GGNBP2: variants seen among roughly 807,000 people sequenced by gnomAD.
GGNBP2 encodes gametogenetin-binding protein 2.
GGNBP2 carries 10 observed loss-of-function variants against 85.9 expected under a neutral mutation model. The ratio of observed to expected loss-of-function variants is 0.12; its 90% CI spans 0.07 to 0.20. The LOEUF is 0.20. GGNBP2 is among the 10% of genes least tolerant of loss of function. The pLI, the probability that GGNBP2 is intolerant of heterozygous loss-of-function variation, is 1.00. For synonymous variants in GGNBP2, 287 were observed against 285.7 expected (o/e 1.00, Z -0.05); for missense variants, 595 against 857.8 (o/e 0.69, Z 3.83).
chr17:36,587,174 T>C lies in GGNBP2; in HGVS notation c.1819T>C (p.Phe607Leu). 1 of 1,614,094 alleles carries C rather than the reference T, an allele frequency of 6.2e-7. No homozygotes were observed. The highest frequency in any genetic ancestry group is 8.5e-7 in the Non-Finnish European group (1 of 1,180,010). ...WFEHRKNVPQ[F>L]AEPTETLFGP... is the part of the protein sequence containing the mutation. ...TGAGCATAGGAAAAATGTACCACAG[T>C]TTGCAGAACCTACAGAAACGTTGTT... Residue 607 changes from phenylalanine to leucine, a missense_variant, in exon 13 of 14, where the codon TTT (phenylalanine) becomes CTT (leucine). Transcript: ENST00000613102.
intron 6 of GGNBP2, among the ~76,000 whole-genome samples, chr17:36,575,873 C>T (rs1013853180): frequency 6.7e-6 from 1 of 150,324 alleles, no homozygotes; most frequent in Non-Finnish European, 1.5e-5. Context: ...TCTCGAACTC[C>T]TGAGCTCAGA....
Position 36,575,613 on chromosome 17 carries a change from C to CATATATAT in GGNBP2, c.642-2341_642-2334dup, listed in dbSNP as rs776677029. Among the ~76,000 whole-genome samples the CATATATAT allele has an allele frequency of 9.3e-3, 619 of 66,688 alleles. 26 individuals are homozygous for CATATATAT. The highest frequency in any genetic ancestry group is 0.016 in the African/African-American group (186 of 11,322). 43.7% of individuals were successfully genotyped at this position (66,688 alleles called of 152,430 possible). ...AGTGGGCTTAGAGCCTCTAATGTAACATATATATATATATATATATATATA... is the reference window on the plus strand; with the variant it reads ...AGTGGGCTTAGAGCCTCTAATGTAACATATATATATATATATATATATATATATATATA... On this transcript the variant is annotated intron_variant, in intron 6 of 13. Transcript: ENST00000613102.
chr17:36,560,439 T>C (rs569572315), intron 4 of GGNBP2, among the ~76,000 whole-genome samples: 1 of 152,328 alleles, frequency 6.6e-6, no homozygotes, highest in South Asian at 2.1e-4. Flanking sequence ...TTTAAAGACA[T>C]GGGATCTCAC....
At chr17:36,547,565 A>G (rs1415151051) in intron 2 of GGNBP2, 5 of 152,252 alleles carry the variant, frequency 3.3e-5, no homozygotes, top group African/African-American at 1.2e-4. Context: ...CAACTTTTTA[A>G]GTGCTTTTAT....
intron 4 of GGNBP2, among the ~76,000 whole-genome samples, chr17:36,558,305 C>G (rs1390942553): frequency 2.2e-5 from 3 of 139,288 alleles, no homozygotes; most frequent in African/African-American, 8.1e-5. Context: ...ATCCCAGCTA[C>G]TCGAGAGGCT....
chr17:36,580,215 T>TTC (rs1286574064), intron 8 of GGNBP2, among the ~76,000 whole-genome samples: 2 of 150,468 alleles, frequency 1.3e-5, no homozygotes, highest in Non-Finnish European at 3.0e-5. Context: ...TTCTTTTCTT[T>TTC]TTTTTTTTTT....
At chr17:36,558,434 A>C (rs1357922484) in intron 4 of GGNBP2, among the ~76,000 whole-genome samples, 2 of 149,774 alleles carry the variant, frequency 1.3e-5, no homozygotes, top group Admixed American at 1.3e-4. Context: ...AAAAAAAAAA[A>C]AAAAGGTAAT....
intron 6 of GGNBP2, chr17:36,574,458 C>T (rs1027272539): frequency 8.6e-6 from 2 of 232,528 alleles, no homozygotes; most frequent in African/African-American, 4.6e-5. Context: ...GTATAAAAAC[C>T]CTGTGTTGTA....
chr17:36,571,580 G>A (rs887237232), intron 6 of GGNBP2, among the ~76,000 whole-genome samples: 2 of 151,634 alleles, frequency 1.3e-5, no homozygotes, highest in Non-Finnish European at 1.5e-5. Flanking sequence ...CATGGCTCAC[G>A]CCTGTAATCC....
rs535686057 is a variant in GGNBP2, at chr17:36,581,460, T to C, written c.1137T>C (p.Asn379=). The part of the protein sequence containing the change: ...KQEKKRQKRK[N]RRKNKCVCDI... ...AAAAGAAACGCCAAAAACGGAAGAA[T>C]AGACGAAAAAATAAGTGTGTGTGTG... The change falls in exon 9 of 14, where the codon AAT becomes AAC. Residue 379 remains asparagine, a synonymous_variant. Coordinates refer to ENST00000613102, the MANE Select transcript of GGNBP2 (RefSeq NM_024835.5). 4.2e-5 allele frequency: 68 copies of C among 1,613,680 alleles called. No individual in the cohort carries two copies. In the African/African-American group the frequency reaches 5.7e-4, roughly 14 times the overall value.
intron 6 of GGNBP2, among the ~76,000 whole-genome samples, chr17:36,568,362 C>T (rs541200950): frequency 6.6e-6 from 1 of 151,802 alleles, no homozygotes; most frequent in African/African-American, 2.4e-5. Context: ...AGTAGCGAGA[C>T]CTCGGATCAC....
intron 5 of GGNBP2, among the ~76,000 whole-genome samples, chr17:36,565,844 C>T (rs561661134): frequency 4.1e-4 from 63 of 151,822 alleles, no homozygotes; most frequent in Middle Eastern, 3.4e-3. Context: ...TGCAGTGAGC[C>T]GAGATCACAC....
Position 36,583,625 on chromosome 17 carries a change from A to T in GGNBP2, c.1216-1675A>T, listed in dbSNP as rs893493232. Among the ~76,000 whole-genome samples, 5 of 150,906 alleles carry T rather than the reference A, an allele frequency of 3.3e-5. No individual in the cohort carries two copies. In the East Asian group the frequency reaches 9.8e-4, roughly 30 times the overall value. On this transcript the variant is annotated intron_variant, in intron 9 of 13. Transcript: ENST00000613102. Reference sequence around the variant, plus strand: ...AGGCGCCTACCACCATGCCCGGCTAATTTTTTTTTGTATTTTTAGTAGAGA... The same window carrying T: ...AGGCGCCTACCACCATGCCCGGCTATTTTTTTTTTGTATTTTTAGTAGAGA...
At position 36,545,717 on chromosome 17, in the gene GGNBP2, CG is replaced by C; in HGVS notation, c.-4del. The C allele has an allele frequency of 6.4e-7, 1 of 1,563,920 alleles. No homozygotes were observed. The highest frequency in any genetic ancestry group is 8.7e-7 in the Non-Finnish European group (1 of 1,154,778). Reference sequence around the variant, plus strand: ...GTGGTGACGGTGGCAACGGCAGCGTCGGGGACGATGGCGCGACTCGTGGCAG... The same window carrying C: ...GTGGTGACGGTGGCAACGGCAGCGTCGGGACGATGGCGCGACTCGTGGCAG... On this transcript the variant is annotated 5_prime_UTR_variant, in exon 2 of 14. Transcript: ENST00000613102.
chr17:36,575,549 T>C (rs2074568394), intron 6 of GGNBP2, among the ~76,000 whole-genome samples: 1 of 148,664 alleles, frequency 6.7e-6, no homozygotes, highest in Non-Finnish European at 1.5e-5. Context: ...AATAACATAA[T>C]TTAACATTAT....
chr17:36,568,338 C>T (rs2074488787), intron 6 of GGNBP2, among the ~76,000 whole-genome samples: 1 of 151,952 alleles, frequency 6.6e-6, no homozygotes, highest in Non-Finnish European at 1.5e-5. Flanking sequence ...ACTCTGTCAC[C>T]CAGGCTGGAG....
chr17:36,587,255 C>A lies in GGNBP2; in HGVS notation c.1890+10C>A. Reference sequence around the variant, plus strand: ...CTTAGTTGAACTCCTTGTAAGTATTCCATGTGGTCTTACTGTACATAACTG... The same window carrying A: ...CTTAGTTGAACTCCTTGTAAGTATTACATGTGGTCTTACTGTACATAACTG... On this transcript the variant is annotated intron_variant, in intron 13 of 13. Coordinates refer to ENST00000613102, the MANE Select transcript of GGNBP2 (RefSeq NM_024835.5). 1 of 1,613,718 alleles carries A rather than the reference C, an allele frequency of 6.2e-7. No individual in the cohort carries two copies. The highest frequency in any genetic ancestry group is 1.1e-5 in the South Asian group (1 of 91,058).
intron 3 of GGNBP2, among the ~76,000 whole-genome samples, chr17:36,556,834 T>C (rs1169933648): frequency 1.5e-5 from 2 of 137,012 alleles, no homozygotes; most frequent in Non-Finnish European, 3.0e-5. Flanking sequence ...CCAGATGCAG[T>C]ACTGCTTTTT....
intron 7 of GGNBP2, 87 bp from the exon 8 acceptor site, chr17:36,579,158 G>T (rs2074619993): frequency 9.1e-7 from 1 of 1,096,322 alleles, no homozygotes; most frequent in Non-Finnish European, 1.4e-6. Context: ...TAAGCACATT[G>T]TGTTTAAAAC....
Sources: gnomAD v4.1 joint callset for allele counts (sites outside exome capture counted in the v4.1 genomes callset) on GRCh38, gnomAD v4.1.1 for gene constraint, MANE v1.5 for transcripts, NCBI Gene and HGNC (gene_info 2026-07-23, HGNC 2026-07-21) for gene names.